The following NKAIN2 variants were observed in gnomAD, a reference collection of about 807,000 sequenced individuals.
NKAIN2 encodes the protein sodium/potassium transporting ATPase interacting 2, also known as sodium/potassium-transporting ATPase subunit beta-1-interacting protein 2.
NKAIN2 carries 14 observed loss-of-function variants against 32.6 expected under a neutral mutation model. That is an observed-to-expected ratio of 0.43 (90% CI 0.28 to 0.67). The LOEUF is 0.67. NKAIN2 is among the 30% of genes least tolerant of loss of function. The probability of loss-of-function intolerance (pLI) is 0.17; values close to 1 mark genes in which losing one functional copy is unlikely to be tolerated. For synonymous variants in NKAIN2, 80 were observed against 87.2 expected (o/e 0.92, Z 0.46); for missense variants, 198 against 258.3 (o/e 0.77, Z 1.60).
At chr6:123,972,284 C>A (rs747787893) in intron 1 of NKAIN2, among the ~76,000 whole-genome samples, 6 of 152,142 alleles carry the variant, frequency 3.9e-5, no homozygotes, top group Non-Finnish European at 8.8e-5. Context: ...GGGGTTGGCA[C>A]CCATAACCTC....
chr6:124,184,112 A>G (rs1016415399), intron 1 of NKAIN2, among the ~76,000 whole-genome samples: 8 of 152,188 alleles, frequency 5.3e-5, no homozygotes, highest in Non-Finnish European at 1.2e-4. Flanking sequence ...TATGCAAAGA[A>G]GACACTTTTA....
Position 124,383,035 on chromosome 6 carries a change from C to T in NKAIN2, c.273+27688C>T, listed in dbSNP as rs1401061588. On this transcript the variant is annotated intron_variant, in intron 3 of 6. Coordinates refer to ENST00000368417, the MANE Select transcript of NKAIN2 (RefSeq NM_001040214.3). ...TTTCAAATCAGGAAAGCAAGCATAG[C>T]GGTTAGCATTTTTTCTGTACTGCTT... Among the ~76,000 whole-genome samples the T allele has an allele frequency of 3.3e-5, 5 of 152,196 alleles. No homozygotes were observed. In the East Asian group the frequency reaches 9.7e-4, roughly 30 times the overall value.
At chr6:124,312,843 T>C (rs181637477) in intron 2 of NKAIN2, among the ~76,000 whole-genome samples, 83 of 152,228 alleles carry the variant, frequency 5.5e-4, no homozygotes, top group Non-Finnish European at 1.0e-3. Flanking sequence ...TCCTCCCAGT[T>C]ATGGGGCCAG....
intron 1 of NKAIN2, among the ~76,000 whole-genome samples, chr6:123,901,588 A>G (rs567567336): frequency 3.9e-5 from 6 of 152,316 alleles, no homozygotes; most frequent in African/African-American, 1.2e-4. Context: ...ATGGGTCAGA[A>G]GTAAATTTAT....
chr6:124,217,496 G>A (rs778665972), intron 1 of NKAIN2, among the ~76,000 whole-genome samples: 5 of 151,752 alleles, frequency 3.3e-5, no homozygotes, highest in Non-Finnish European at 7.4e-5. Flanking sequence ...TACTAAAAAC[G>A]ATCTGTACAA....
intron 1 of NKAIN2, among the ~76,000 whole-genome samples, chr6:123,858,209 G>A (rs769152655): frequency 1.5e-4 from 23 of 151,610 alleles, no homozygotes; most frequent in Non-Finnish European, 3.2e-4. Flanking sequence ...TCCGCGTCCC[G>A]GGTTCAAGCG....
chr6:124,662,207 C>T (rs1328989108), intron 4 of NKAIN2, among the ~76,000 whole-genome samples: 1 of 152,080 alleles, frequency 6.6e-6, no homozygotes, highest in Non-Finnish European at 1.5e-5. Flanking sequence ...GAGGGATGTG[C>T]CTCACATTTA....
chr6:124,540,391 T>A (rs1460235027), intron 3 of NKAIN2, among the ~76,000 whole-genome samples: 1 of 152,236 alleles, frequency 6.6e-6, no homozygotes, highest in Admixed American at 6.5e-5. Flanking sequence ...TTTTCTTGAA[T>A]TTAATATGCC....
chr6:124,687,268 CTA>C (rs761727639), intron 4 of NKAIN2, among the ~76,000 whole-genome samples: 14 of 136,272 alleles, frequency 1.0e-4, no homozygotes, highest in Non-Finnish European at 2.2e-4. Flanking sequence ...TATATTCTCT[CTA>C]TATATAGAGA....
chr6:123,988,547 G>T (rs529236192), intron 1 of NKAIN2, among the ~76,000 whole-genome samples: 16 of 152,254 alleles, frequency 1.1e-4, no homozygotes, highest in African/African-American at 3.8e-4. Flanking sequence ...GCCTCTTAAA[G>T]CTGTAAAACT....
intron 1 of NKAIN2, among the ~76,000 whole-genome samples, chr6:124,000,604 C>T (rs1052143911): frequency 1.3e-5 from 2 of 151,810 alleles, no homozygotes; most frequent in Admixed American, 6.6e-5. Flanking sequence ...TAATTTTTTC[C>T]CTATACGTCT....
intron 1 of NKAIN2, among the ~76,000 whole-genome samples, chr6:124,237,345 A>G (rs558178087): frequency 6.6e-6 from 1 of 152,266 alleles, no homozygotes; most frequent in African/African-American, 2.4e-5. Flanking sequence ...GGCTCTAGGG[A>G]TAACTTTTTT....
intron 3 of NKAIN2, among the ~76,000 whole-genome samples, chr6:124,458,137 T>C (rs1222366109): frequency 6.6e-6 from 1 of 151,990 alleles, no homozygotes; most frequent in Non-Finnish European, 1.5e-5. Flanking sequence ...GCAAGTTTAT[T>C]ATATACATTT....
chr6:123,887,045 C>A (rs1348821787), intron 1 of NKAIN2, among the ~76,000 whole-genome samples: 1 of 152,080 alleles, frequency 6.6e-6, no homozygotes, highest in East Asian at 1.9e-4. Context: ...AGAATACAAG[C>A]CTGTTTGATG....
At chr6:124,330,555 A>C (rs890266176) in intron 2 of NKAIN2, among the ~76,000 whole-genome samples, 2 of 152,248 alleles carry the variant, frequency 1.3e-5, no homozygotes, top group Non-Finnish European at 2.9e-5. Context: ...GAAGGAGTGC[A>C]TAACCATGAG....
chr6:124,077,873 T>C (rs2114898195), intron 1 of NKAIN2, among the ~76,000 whole-genome samples: 1 of 152,268 alleles, frequency 6.6e-6, no homozygotes, highest in East Asian at 1.9e-4. Flanking sequence ...GTGCTGGGAT[T>C]ACAGGCGTGA....
At chr6:124,574,248 T>A (rs910377298) in intron 3 of NKAIN2, among the ~76,000 whole-genome samples, 2 of 152,060 alleles carry the variant, frequency 1.3e-5, no homozygotes, top group Non-Finnish European at 2.9e-5. Flanking sequence ...AGCTTAACAT[T>A]TTAGTGTTCT....
chr6:123,920,653 A>G (rs1775709398), intron 1 of NKAIN2, among the ~76,000 whole-genome samples: 1 of 152,158 alleles, frequency 6.6e-6, no homozygotes. Flanking sequence ...AGAATAATTT[A>G]GCTTCTTCAA....
intron 1 of NKAIN2, among the ~76,000 whole-genome samples, chr6:123,853,560 A>G (rs1223714298): frequency 6.6e-6 from 1 of 152,194 alleles, no homozygotes; most frequent in Admixed American, 6.5e-5. Flanking sequence ...TTTTCATTGT[A>G]TTTATGAAAA....
Sources: allele counts gnomAD v4.1 joint callset (sites outside exome capture counted in the v4.1 genomes callset), GRCh38; gene constraint gnomAD v4.1.1; transcripts MANE v1.5; gene names NCBI Gene and HGNC (gene_info 2026-07-23, HGNC 2026-07-21).